The following NWD2 variants were observed in gnomAD, a reference collection of about 807,000 sequenced individuals.
NWD2 encodes NACHT and WD repeat domain-containing protein 2.
In NWD2, 37 loss-of-function variants were observed where a neutral mutation model predicts 132.7. The observed-to-expected ratio is 0.28, with a 90% CI of 0.21 to 0.37. NWD2 has a LOEUF of 0.37. Ranked by LOEUF, NWD2 falls within the 10% of genes least tolerant of loss-of-function variation. The pLI, the probability that NWD2 is intolerant of heterozygous loss-of-function variation, is 1.00. For synonymous variants in NWD2, 705 were observed against 803.0 expected (o/e 0.88, Z 2.06); for missense variants, 1,592 against 2,122.4 (o/e 0.75, Z 4.91).
At chr4:37,437,869 T>G (rs1712362773) in intron 5 of NWD2, among the ~76,000 whole-genome samples, 1 of 152,224 alleles carries the variant, frequency 6.6e-6, no homozygotes, top group Admixed American at 6.5e-5. Flanking sequence ...AGTTATATAC[T>G]AAGTCACTTT....
At position 37,447,024 on chromosome 4, in the gene NWD2, G is replaced by C; in HGVS notation, c.5036G>C (p.Ser1679Thr). 6.4e-7 allele frequency: 1 copy of C among 1,551,718 alleles called. No individual in the cohort carries two copies. The highest frequency in any genetic ancestry group is 8.7e-7 in the Non-Finnish European group (1 of 1,147,006). ...CACACCTCCAGGCCAAAGTGTAACAGTTATTGTTTTAAAATATCTGTGGAT... is the reference window on the plus strand; with the variant it reads ...CACACCTCCAGGCCAAAGTGTAACACTTATTGTTTTAAAATATCTGTGGAT... ...ATHTSRPKCN[S>T]YCFKISVDCL... The change falls in exon 7 of 7, where the codon AGT becomes ACT. Residue 1679 changes from serine (S) to threonine (T), a missense_variant. By Grantham distance (58) the Ser-to-Thr change is moderately conservative (BLOSUM62 1). This residue lies in a region of NWD2 where 257 missense variants were observed against 335.0 expected (regional missense o/e 0.77). Transcript: ENST00000309447.
At chr4:37,421,547 A>G (rs1178597766) in intron 3 of NWD2, among the ~76,000 whole-genome samples, 1 of 152,260 alleles carries the variant, frequency 6.6e-6, no homozygotes, top group African/African-American at 2.4e-5. Flanking sequence ...AATAACTATA[A>G]TTAAACCACA....
At position 37,446,576 on chromosome 4, in the gene NWD2, T is replaced by A. The variant is rs1162648475; in HGVS notation, c.4588T>A (p.Phe1530Ile). Reference protein sequence around the residue: ...PNNFLKNLEDFEISPNGKLGI... With the variant: ...PNNFLKNLEDIEISPNGKLGI... ...CAACTTCTTGAAAAATCTGGAGGACTTTGAAATTTCTCCCAATGGAAAGCT... is the reference window on the plus strand; with the variant it reads ...CAACTTCTTGAAAAATCTGGAGGACATTGAAATTTCTCCCAATGGAAAGCT... Residue 1530 changes from phenylalanine (F) to isoleucine (I), a missense_variant, in exon 7 of 7, where the codon TTT (phenylalanine) becomes ATT (isoleucine). Phe to Ile is a conservative substitution (Grantham distance 21). Around this residue, in one of 7 missense-constraint regions of NWD2, gnomAD observed 257 missense variants for 335.0 expected, o/e 0.77. Transcript: ENST00000309447. The surrounding 1 kb of genome is among the most constrained non-coding windows in gnomAD (Gnocchi z 6.7). 6.4e-7 allele frequency: 1 copy of A among 1,551,634 alleles called. No individual in the cohort carries two copies. The highest frequency in any genetic ancestry group is 1.4e-5 in the African/African-American group (1 of 73,038).
At chr4:37,318,238 G>A (rs1344070615) in intron 1 of NWD2, among the ~76,000 whole-genome samples, 1 of 151,946 alleles carries the variant, frequency 6.6e-6, no homozygotes, top group East Asian at 1.9e-4. Context: ...TGTTGGCCAG[G>A]CTGGTCTTGA....
At chr4:37,321,237 C>T (rs7678590) in intron 1 of NWD2, among the ~76,000 whole-genome samples, 11,060 of 152,192 alleles carry the variant, frequency 0.073, 1,237 homozygotes, top group African/African-American at 0.24. Flanking sequence ...TCCAATCTAG[C>T]ACGGTCCTTT....
intron 3 of NWD2, among the ~76,000 whole-genome samples, chr4:37,429,622 C>T (rs1712115630): frequency 6.6e-6 from 1 of 152,172 alleles, no homozygotes; most frequent in Non-Finnish European, 1.5e-5. Context: ...AGCCTGGAAT[C>T]ATCTTATGTA....
In NWD2 at chr4:37,348,878, C is replaced by T. The variant is rs181587527; in HGVS notation, c.241-7488C>T. Among the ~76,000 whole-genome samples the T allele has an allele frequency of 9.4e-3, 1,428 of 151,468 alleles. 13 individuals are homozygous for T. The highest frequency in any genetic ancestry group is 0.033 in the African/African-American group (1,347 of 41,238). ...GCCCCTGTGTGTGATGTTCCCCTCC[C>T]TGTGTGCATGTGTTCTCATTGTTAA... is the stretch of plus-strand genomic sequence containing the variant. On this transcript the variant is annotated intron_variant, in intron 2 of 6. Coordinates refer to ENST00000309447, the MANE Select transcript of NWD2 (RefSeq NM_001144990.2).
rs551248598 is a variant in NWD2 at position 37,266,071 on chromosome 4, C to T, written c.151+20853C>T. ...CTGGCTACCGTCCTGCCCTTTCCCT[C>T]CCCTCTGTCTTCGTTGGTGAGTTCT... On this transcript the variant is annotated intron_variant, in intron 1 of 6. Coordinates refer to ENST00000309447, the MANE Select transcript of NWD2 (RefSeq NM_001144990.2). Among the ~76,000 whole-genome samples the T allele has an allele frequency of 4.6e-5, 7 of 152,238 alleles. No homozygotes were observed. In the East Asian group the frequency reaches 1.4e-3, roughly 29 times the overall value.
chr4:37,427,160 T>C (rs1712031067), intron 3 of NWD2, among the ~76,000 whole-genome samples: 1 of 152,068 alleles, frequency 6.6e-6, no homozygotes, highest in Non-Finnish European at 1.5e-5. Flanking sequence ...CCAAACTCCA[T>C]CTGTATACTT....
intron 3 of NWD2, among the ~76,000 whole-genome samples, chr4:37,411,723 C>G (rs147309300): frequency 0.047 from 7,155 of 152,156 alleles, 221 homozygotes; most frequent in Middle Eastern, 0.11. Context: ...AACATCGATG[C>G]AAAAATCCTC....
chr4:37,379,174 A>G (rs916995229), intron 3 of NWD2, among the ~76,000 whole-genome samples: 3 of 152,214 alleles, frequency 2.0e-5, no homozygotes, highest in Admixed American at 6.5e-5. Context: ...TTTTATACCT[A>G]AGGATAACAC....
At chr4:37,309,081 G>A (rs1236646432) in intron 1 of NWD2, among the ~76,000 whole-genome samples, 2 of 152,210 alleles carry the variant, frequency 1.3e-5, no homozygotes, top group East Asian at 3.9e-4. Flanking sequence ...AGCATTGGCA[G>A]GCCCTTGGTG....
chr4:37,272,873 G>A (rs1026498935), intron 1 of NWD2, among the ~76,000 whole-genome samples: 2 of 151,720 alleles, frequency 1.3e-5, no homozygotes, highest in Admixed American at 1.3e-4. Flanking sequence ...TCTGATGTAA[G>A]CATTTATGGC....
intron 3 of NWD2, among the ~76,000 whole-genome samples, chr4:37,394,388 C>T (rs1448071174): frequency 6.6e-6 from 1 of 151,434 alleles, no homozygotes; most frequent in Non-Finnish European, 1.5e-5. Flanking sequence ...ACATAAATAA[C>T]AGTTATTGAT....
chr4:37,310,878 G>A (rs1481938692), intron 1 of NWD2, among the ~76,000 whole-genome samples: 2 of 145,790 alleles, frequency 1.4e-5, no homozygotes, highest in African/African-American at 2.5e-5. Context: ...GTGAGAACCT[G>A]CAGTGTTTGG....
intron 1 of NWD2, among the ~76,000 whole-genome samples, chr4:37,321,999 C>T (rs1053969828): frequency 3.3e-5 from 5 of 152,118 alleles, no homozygotes; most frequent in Non-Finnish European, 2.9e-5. Flanking sequence ...CACCGTTTCC[C>T]GAGATTTCAG....
At chr4:37,307,645 A>C (rs1159567675) in intron 1 of NWD2, among the ~76,000 whole-genome samples, 2 of 152,164 alleles carry the variant, frequency 1.3e-5, no homozygotes. Context: ...AGTTTCCTGT[A>C]TCTGAATATC....
At chr4:37,403,464 G>A (rs780311674) in intron 3 of NWD2, among the ~76,000 whole-genome samples, 7 of 152,096 alleles carry the variant, frequency 4.6e-5, no homozygotes, top group Admixed American at 3.3e-4. Flanking sequence ...AAGAACATTC[G>A]TGCTCCTAGT....
At chr4:37,388,241 T>C (rs1019220349) in intron 3 of NWD2, among the ~76,000 whole-genome samples, 1 of 152,102 alleles carries the variant, frequency 6.6e-6, no homozygotes, top group African/African-American at 2.4e-5. Flanking sequence ...TGGAGTGCAA[T>C]AGTGCAACCT....
Sources: gnomAD v4.1 joint callset for allele counts (sites outside exome capture counted in the v4.1 genomes callset) on GRCh38, gnomAD v4.1.1 for gene constraint, gnomAD v4.1.1 regional missense constraint, Gnocchi (gnomAD v3.1) non-coding constraint, MANE v1.5 for transcripts, NCBI Gene and HGNC (gene_info 2026-07-23, HGNC 2026-07-21) for gene names.